Variants in NRG2 observed in about 807,000 individuals in gnomAD.
NRG2 encodes neuregulin 2.
In NRG2, 27 loss-of-function variants were observed where a neutral mutation model predicts 73.9. The observed-to-expected ratio is 0.37, with a 90% CI of 0.27 to 0.50. NRG2 has a LOEUF of 0.50. Among genes scored for constraint, NRG2 ranks in the 20% least tolerant of loss-of-function variants. The pLI is 0.96. For synonymous variants in NRG2, 532 were observed against 541.0 expected, an observed-to-expected ratio of 0.98 and a Z score of 0.23; for missense variants, 1,126 against 1,210.1, an observed-to-expected ratio of 0.93 and a Z score of 1.03.
At chr5:139,898,113 G>A (rs79286554) in intron 1 of NRG2, among the ~76,000 whole-genome samples, 3,278 of 152,362 alleles carry the variant, frequency 0.022, 122 homozygotes, top group African/African-American at 0.074. Context: ...TGGAGATTCT[G>A]GCTGAGCAAT....
rs764329685 is a variant in NRG2, at chr5:139,880,880, G to A, written c.967C>T (p.Arg323Trp). The A allele has an allele frequency of 3.0e-5, 48 of 1,614,060 alleles. No individual in the cohort carries two copies. The highest frequency in any genetic ancestry group is 1.1e-4 in the East Asian group (5 of 44,874). Residue 323 changes from arginine to tryptophan, a missense_variant, in exon 3 of 10, where the codon CGG (arginine) becomes TGG (tryptophan). Arg to Trp is a moderately radical substitution (Grantham distance 101, BLOSUM62 -3). This residue lies in a region of NRG2 where 539 missense variants were observed against 703.2 expected (regional missense o/e 0.77). Coordinates refer to ENST00000361474, the MANE Select transcript of NRG2 (RefSeq NM_004883.3). Reference protein sequence around the residue: ...AENILGKDTVRGRLYVNSVST... With the variant: ...AENILGKDTVWGRLYVNSVST... The stretch of plus-strand genomic sequence containing the variant: ...CCGCTGTTGACGTAAAGCCGGCCCC[G>A]GACGGTGTCCTTCCCCAGGATGTTC...
chr5:139,984,801 C>T (rs765272836), intron 1 of NRG2, among the ~76,000 whole-genome samples: 17 of 152,194 alleles, frequency 1.1e-4, no homozygotes, highest in Non-Finnish European at 2.1e-4. Flanking sequence ...TTAGGATCAA[C>T]GTAAGAATCA....
At position 139,904,155 on chromosome 5, in the gene NRG2, C is replaced by T. The variant is rs932079097; in HGVS notation, c.701-16644G>A. On this transcript the variant is annotated intron_variant, in intron 1 of 9. Coordinates refer to ENST00000361474, the MANE Select transcript of NRG2 (RefSeq NM_004883.3). This position sits in a 1 kb window ranked among gnomAD's most constrained non-coding sequence, Gnocchi z 6.0. Reference sequence around the variant, plus strand: ...CCTTGCTCTCCCGGCCGCGACGACCCGCTCGCACGCAGGCACGCGCGCCCT... The same window carrying T: ...CCTTGCTCTCCCGGCCGCGACGACCTGCTCGCACGCAGGCACGCGCGCCCT... Among the ~76,000 whole-genome samples the T allele has an allele frequency of 6.6e-6, 1 of 152,154 alleles. No homozygotes were observed. Among genetic ancestry groups the T allele is most frequent in the Non-Finnish European group, 1.5e-5 (1 of 68,016 alleles).
rs958127778 is a variant in NRG2 at position 139,870,810 on chromosome 5, G to C, written c.1112+911C>G. Among the ~76,000 whole-genome samples the C allele has an allele frequency of 6.6e-6, 1 of 152,182 alleles. No individual in the cohort carries two copies. Among genetic ancestry groups the C allele is most frequent in the Non-Finnish European group, 1.5e-5 (1 of 68,028 alleles). On this transcript the variant is annotated intron_variant, in intron 4 of 9. Transcript: ENST00000361474. The surrounding 1 kb of genome is among the most constrained non-coding windows in gnomAD (Gnocchi z 4.4). ...ACACACTCACCAGAGAATCTGTCCAGGGGGCACTGTAGGCCCAGCTGCCCA... is the reference window on the plus strand; with the variant it reads ...ACACACTCACCAGAGAATCTGTCCACGGGGCACTGTAGGCCCAGCTGCCCA...
At chr5:139,977,948 A>ACTTAATTCTTTAATT (rs1756501959) in intron 1 of NRG2, among the ~76,000 whole-genome samples, 1 of 152,240 alleles carries the variant, frequency 6.6e-6, no homozygotes, top group Non-Finnish European at 1.5e-5. Context: ...TTAATTCAGG[A>ACTTAATTCTTTAATT]TGGATTAAAG....
rs1218945074 is a variant in NRG2, at chr5:140,008,874, C to A, written c.700+33496G>T. 6.6e-6 allele frequency among the ~76,000 whole-genome samples: 1 copy of A among 152,192 alleles called. No homozygotes were observed. Among genetic ancestry groups the A allele is most frequent in the Non-Finnish European group, 1.5e-5 (1 of 68,032 alleles). On this transcript the variant is annotated intron_variant, in intron 1 of 9. Coordinates refer to ENST00000361474, the MANE Select transcript of NRG2 (RefSeq NM_004883.3). This position sits in a 1 kb window ranked among gnomAD's most constrained non-coding sequence, Gnocchi z 4.2. The stretch of plus-strand genomic sequence containing the variant: ...GTGTGGTCTTGAGCAAGTTACTTAA[C>A]CTCTCTGTGTCTCAGTTCCCCATAT...
intron 1 of NRG2, among the ~76,000 whole-genome samples, chr5:140,004,423 A>G (rs1464463588): frequency 6.6e-6 from 1 of 152,206 alleles, no homozygotes; most frequent in African/African-American, 2.4e-5. Flanking sequence ...GTCCTCCAAG[A>G]TATTTTTTAA....
rs527975603 is a variant in NRG2, at chr5:140,007,579, T to A, written c.700+34791A>T. Reference sequence around the variant, plus strand: ...CCGGAGGCCTGTCTGTACATTCTCCTTCTGCATCTTCACCTCCAGCACCCT... The same window carrying A: ...CCGGAGGCCTGTCTGTACATTCTCCATCTGCATCTTCACCTCCAGCACCCT... On this transcript the variant is annotated intron_variant, in intron 1 of 9. Coordinates refer to ENST00000361474, the MANE Select transcript of NRG2 (RefSeq NM_004883.3). 3.9e-5 allele frequency among the ~76,000 whole-genome samples: 6 copies of A among 152,236 alleles called. No individual in the cohort carries two copies. In the South Asian group the frequency reaches 1.2e-3, roughly 32 times the overall value.
At position 139,850,138 on chromosome 5, in the gene NRG2, T is replaced by C. The variant is rs145249109; in HGVS notation, c.1773-1441A>G. Among the ~76,000 whole-genome samples, 460 of 152,362 alleles carry C rather than the reference T, an allele frequency of 3.0e-3. 1 individual carries two copies. The highest frequency in any genetic ancestry group is 0.011 in the African/African-American group (452 of 41,584). On this transcript the variant is annotated intron_variant, in intron 9 of 9. Coordinates refer to ENST00000361474, the MANE Select transcript of NRG2 (RefSeq NM_004883.3). Reference sequence around the variant, plus strand: ...TCCTACCACCCATTAAGGAGTCTCATTGCTGTGGTTACGATTCATAAATAG... The same window carrying C: ...TCCTACCACCCATTAAGGAGTCTCACTGCTGTGGTTACGATTCATAAATAG...
intron 5 of NRG2, among the ~76,000 whole-genome samples, chr5:139,859,463 A>T (rs1762003465): frequency 1.3e-5 from 2 of 152,224 alleles, no homozygotes; most frequent in South Asian, 4.1e-4. Flanking sequence ...ATGGAAAGGG[A>T]TGCCTCTCTG....
intron 1 of NRG2, among the ~76,000 whole-genome samples, chr5:139,982,892 C>T (rs1351536325): frequency 6.6e-6 from 1 of 152,156 alleles, no homozygotes; most frequent in Middle Eastern, 3.2e-3. Context: ...CAGAAACTGC[C>T]TTCATGGGGG....
chr5:139,903,930 C>G (rs547362937), intron 1 of NRG2, among the ~76,000 whole-genome samples: 2 of 152,234 alleles, frequency 1.3e-5, no homozygotes, highest in African/African-American at 4.8e-5. Context: ...GCTCCCGGAG[C>G]GCTCGGCGGC....
At chr5:140,023,994 C>T (rs1453547739) in intron 1 of NRG2, among the ~76,000 whole-genome samples, 1 of 152,116 alleles carries the variant, frequency 6.6e-6, no homozygotes, top group Non-Finnish European at 1.5e-5. Flanking sequence ...GGCGCAGGAC[C>T]TCCAAGGACA....
At chr5:139,986,165 T>C (rs1438376329) in intron 1 of NRG2, among the ~76,000 whole-genome samples, 1 of 152,226 alleles carries the variant, frequency 6.6e-6, no homozygotes, top group Non-Finnish European at 1.5e-5. Context: ...TCCATCTTCA[T>C]ACTGCACAAG....
intron 1 of NRG2, among the ~76,000 whole-genome samples, chr5:139,937,199 T>A (rs1010585524): frequency 1.3e-5 from 2 of 152,234 alleles, no homozygotes; most frequent in Non-Finnish European, 2.9e-5. Flanking sequence ...CAAAAATCAA[T>A]GTAATTCACT....
At chr5:139,888,717 A>G (rs73791224) in intron 1 of NRG2, among the ~76,000 whole-genome samples, 7,172 of 152,292 alleles carry the variant, frequency 0.047, 583 homozygotes, top group African/African-American at 0.16. Flanking sequence ...GCACAGAGGA[A>G]GCACAGAAAG....
At chr5:139,877,492 A>T (rs1010357042) in intron 3 of NRG2, among the ~76,000 whole-genome samples, 2 of 151,758 alleles carry the variant, frequency 1.3e-5, no homozygotes, top group African/African-American at 4.8e-5. Flanking sequence ...GAGGGGGCAG[A>T]CCACAGGGTG....
chr5:139,950,000 G>T (rs556364655), intron 1 of NRG2, among the ~76,000 whole-genome samples: 1 of 152,336 alleles, frequency 6.6e-6, no homozygotes, highest in East Asian at 1.9e-4. Flanking sequence ...TGGCATGTGT[G>T]TGACAAAGAC....
intron 1 of NRG2, among the ~76,000 whole-genome samples, chr5:139,920,510 T>C (rs1751580330): frequency 6.6e-6 from 1 of 150,842 alleles, no homozygotes; most frequent in South Asian, 2.1e-4. Context: ...ATAATAAACC[T>C]TGTTTATTAT....
Sources: allele counts gnomAD v4.1 joint callset (sites outside exome capture counted in the v4.1 genomes callset), GRCh38; gene constraint gnomAD v4.1.1; regional missense constraint gnomAD v4.1.1; non-coding constraint Gnocchi (gnomAD v3.1); transcripts MANE v1.5; gene names NCBI Gene and HGNC (gene_info 2026-07-23, HGNC 2026-07-21).